Variants in TMEM132C observed in about 807,000 individuals in gnomAD.
TMEM132C encodes the protein protein phosphatase 1, regulatory subunit 152.
In TMEM132C, 29 loss-of-function variants were observed where a neutral mutation model predicts 61.4. The ratio of observed to expected loss-of-function variants is 0.47; its 90% confidence interval spans 0.35 to 0.64. The LOEUF (loss-of-function observed/expected upper bound fraction) is 0.64. TMEM132C is among the 30% of genes least tolerant of loss of function. The pLI is 0.00. For synonymous variants in TMEM132C, 656 were observed against 633.1 expected (o/e 1.04, Z -0.54); for missense variants, 1,408 against 1,476.9 (o/e 0.95, Z 0.76).
rs199503150 is a variant in TMEM132C at position 128,623,421 on chromosome 12, T to TTATATATA, written c.1305+7092_1305+7099dup. 6.4e-3 allele frequency among the ~76,000 whole-genome samples: 961 copies of TTATATATA among 149,004 alleles called. 11 individuals are homozygous for TTATATATA. The highest frequency in any genetic ancestry group is 0.023 in the African/African-American group (920 of 40,848). On this transcript the variant is annotated intron_variant, in intron 4 of 8. Coordinates refer to ENST00000435159, the MANE Select transcript of TMEM132C (RefSeq NM_001136103.3). Reference sequence around the variant, plus strand: ...AGAACTTAAAGTATAAAGTATAATTTTATATATATATATGTATATATATAA... The same window carrying TTATATATA: ...AGAACTTAAAGTATAAAGTATAATTTTATATATATATATATATATATGTATATATATAA...
intron 4 of TMEM132C, among the ~76,000 whole-genome samples, chr12:128,659,522 G>A (rs1954363304): frequency 6.6e-6 from 1 of 152,240 alleles, no homozygotes. Flanking sequence ...AGGAGACCAA[G>A]CAAGACACCC....
intron 1 of TMEM132C, chr12:128,400,036 T>C (rs1204878840): frequency 6.6e-6 from 1 of 152,246 alleles, no homozygotes; most frequent in African/African-American, 2.4e-5. Flanking sequence ...GCTGACTCCT[T>C]CTTTATATGA....
intron 1 of TMEM132C, among the ~76,000 whole-genome samples, chr12:128,398,571 C>T (rs986174780): frequency 2.6e-5 from 4 of 152,190 alleles, no homozygotes; most frequent in African/African-American, 9.7e-5. Context: ...AACATAAAGC[C>T]TGTGCTCTGA....
rs181776762 is a variant in TMEM132C at position 128,692,530 on chromosome 12, C to T, written c.1450-1299C>T. Among the ~76,000 whole-genome samples the T allele has an allele frequency of 2.1e-3, 324 of 152,270 alleles. 4 individuals are homozygous for T. Among genetic ancestry groups the T allele is most frequent in the African/African-American group, 7.4e-3 (306 of 41,546 alleles). The stretch of plus-strand genomic sequence containing the variant: ...TTTCTATTTTCAGTTTTCAATTCAT[C>T]GGGGTGGCAGAAACAGAATACCAGT... On this transcript the variant is annotated intron_variant, in intron 5 of 8. Coordinates refer to ENST00000435159, the MANE Select transcript of TMEM132C (RefSeq NM_001136103.3).
At chr12:128,322,959 C>T (rs2135936896) in intron 1 of TMEM132C, among the ~76,000 whole-genome samples, 1 of 152,290 alleles carries the variant, frequency 6.6e-6, no homozygotes, top group African/African-American at 2.4e-5. Flanking sequence ...TGCATTCATT[C>T]AGCATATATT....
At chr12:128,340,939 TC>T (rs1872959502) in intron 1 of TMEM132C, among the ~76,000 whole-genome samples, 3 of 128,340 alleles carry the variant, frequency 2.3e-5, no homozygotes, top group African/African-American at 3.8e-5. Context: ...TCTCTCTCTC[TC>T]TCTCTTTCTT....
At chr12:128,544,824 T>C (rs1348388365) in intron 3 of TMEM132C, among the ~76,000 whole-genome samples, 2 of 152,238 alleles carry the variant, frequency 1.3e-5, no homozygotes, top group Non-Finnish European at 2.9e-5. Context: ...TTTTCACTTG[T>C]ATTGGAAACA....
chr12:128,381,299 C>G (rs1201907560), intron 1 of TMEM132C, among the ~76,000 whole-genome samples: 2 of 152,088 alleles, frequency 1.3e-5, no homozygotes, highest in African/African-American at 2.4e-5. Flanking sequence ...ATACAGAATC[C>G]CACAAATGAT....
chr12:128,470,343 C>T (rs189096701), intron 2 of TMEM132C, among the ~76,000 whole-genome samples: 1 of 152,182 alleles, frequency 6.6e-6, no homozygotes, highest in Non-Finnish European at 1.5e-5. Context: ...TCCTGTTATT[C>T]CTAGACCAGT....
At chr12:128,576,149 G>A (rs1329589614) in intron 3 of TMEM132C, among the ~76,000 whole-genome samples, 2 of 152,098 alleles carry the variant, frequency 1.3e-5, no homozygotes, top group Non-Finnish European at 1.5e-5. Context: ...CAGCTACTCG[G>A]GAGGGTGAGG....
At chr12:128,597,283 C>T (rs1367276407) in intron 3 of TMEM132C, among the ~76,000 whole-genome samples, 2 of 151,848 alleles carry the variant, frequency 1.3e-5, no homozygotes, top group African/African-American at 4.8e-5. Flanking sequence ...AGTTTGAGAC[C>T]AGCCTGGCCA....
chr12:128,317,300 A>G (rs945533617), intron 1 of TMEM132C, among the ~76,000 whole-genome samples: 1 of 152,206 alleles, frequency 6.6e-6, no homozygotes, highest in African/African-American at 2.4e-5. Context: ...AGAAGTAAGA[A>G]CAGACGTTCA....
chr12:128,371,769 G>C (rs1211885674), intron 1 of TMEM132C, among the ~76,000 whole-genome samples: 1 of 152,064 alleles, frequency 6.6e-6, no homozygotes, highest in African/African-American at 2.4e-5. Flanking sequence ...TATAGAGACA[G>C]GGTCTTGCTG....
At chr12:128,323,728 A>G (rs1872413426) in intron 1 of TMEM132C, among the ~76,000 whole-genome samples, 1 of 152,204 alleles carries the variant, frequency 6.6e-6, no homozygotes, top group South Asian at 2.1e-4. Flanking sequence ...TTCCCTTGCA[A>G]GACACCGTCC....
intron 1 of TMEM132C, among the ~76,000 whole-genome samples, chr12:128,365,395 TAG>T (rs1473374494): frequency 1.3e-5 from 2 of 152,190 alleles, no homozygotes; most frequent in Non-Finnish European, 2.9e-5. Flanking sequence ...ATTATACTAT[TAG>T]ATATTATTTT....
At chr12:128,487,036 C>T (rs1275410172) in intron 2 of TMEM132C, among the ~76,000 whole-genome samples, 1 of 152,138 alleles carries the variant, frequency 6.6e-6, no homozygotes, top group African/African-American at 2.4e-5. Context: ...CTTACTAGCT[C>T]AGCCCATTTG....
chr12:128,431,324 A>G (rs1400619618), intron 2 of TMEM132C, among the ~76,000 whole-genome samples: 1 of 152,212 alleles, frequency 6.6e-6, no homozygotes, highest in Non-Finnish European at 1.5e-5. Flanking sequence ...CTGCAGAAGA[A>G]AAGTTTGAAG....
intron 2 of TMEM132C, among the ~76,000 whole-genome samples, chr12:128,462,838 G>A (rs1049046008): frequency 3.3e-5 from 5 of 152,286 alleles, no homozygotes; most frequent in Admixed American, 6.5e-5. Flanking sequence ...GGGTGCAACA[G>A]TTAGGAATGC....
intron 4 of TMEM132C, among the ~76,000 whole-genome samples, chr12:128,652,792 A>G (rs1954285313): frequency 1.3e-5 from 2 of 152,360 alleles, no homozygotes; most frequent in South Asian, 2.1e-4. Flanking sequence ...AATTTGGAGG[A>G]AGGAGATTCA....
Sources: allele counts gnomAD v4.1 joint callset (sites outside exome capture counted in the v4.1 genomes callset), GRCh38; gene constraint gnomAD v4.1.1; transcripts MANE v1.5; gene names NCBI Gene and HGNC (gene_info 2026-07-23, HGNC 2026-07-21).